PCDH11X: variants seen among roughly 807,000 people sequenced by gnomAD.
PCDH11X encodes protocadherin 11 X-linked, also known as protocadherin-11 X-linked.
In PCDH11X, 18 loss-of-function variants were observed where a neutral mutation model predicts 53.3. That is an observed-to-expected ratio of 0.34 (90% CI 0.23 to 0.50). The LOEUF (loss-of-function observed/expected upper bound fraction) is 0.50, where lower values mean the gene tolerates loss of function less well. Among genes scored for constraint, PCDH11X ranks in the 20% least tolerant of loss-of-function variants. The pLI, the probability that PCDH11X is intolerant of heterozygous loss-of-function variation, is 0.98. For synonymous variants in PCDH11X, 279 were observed against 393.3 expected, an observed-to-expected ratio of 0.71 and a Z score of 3.44; for missense variants, 570 against 1,032.4, an observed-to-expected ratio of 0.55 and a Z score of 6.14.
chrX:92,228,591 T>A (rs978686181), intron 7 of PCDH11X, among the ~76,000 whole-genome samples: 1 of 111,477 alleles, frequency 9.0e-6, no homozygotes, highest in Non-Finnish European at 1.9e-5. Context: ...ACTAGTTAAT[T>A]GCTTTAAGTC....
At chrX:92,244,893 C>T (rs1165289334) in intron 7 of PCDH11X, among the ~76,000 whole-genome samples, 1 of 111,190 alleles carries the variant, frequency 9.0e-6, no homozygotes, top group Non-Finnish European at 1.9e-5. Flanking sequence ...AGAAATACAA[C>T]TCTATCATTC....
At chrX:92,258,497 A>G (rs2148409110) in intron 7 of PCDH11X, among the ~76,000 whole-genome samples, 1 of 108,280 alleles carries the variant, frequency 9.2e-6, no homozygotes, top group South Asian at 4.1e-4. Context: ...CCTCTGGAGT[A>G]GCTGGGACTA....
At chrX:92,453,984 T>A (rs1177105405) in intron 9 of PCDH11X, among the ~76,000 whole-genome samples, 1 of 104,206 alleles carries the variant, frequency 9.6e-6, no homozygotes, top group Non-Finnish European at 2.0e-5. Flanking sequence ...ATAATTAGTT[T>A]GAATCAATCA....
chrX:91,906,727 C>T (rs1288817852), intron 6 of PCDH11X, among the ~76,000 whole-genome samples: 1 of 111,640 alleles, frequency 9.0e-6, no homozygotes, highest in Non-Finnish European at 1.9e-5. Context: ...TTATTAACTT[C>T]GTAACCCTAG....
chrX:92,595,129 G>T (rs1348348559), intron 10 of PCDH11X, among the ~76,000 whole-genome samples: 1 of 109,382 alleles, frequency 9.1e-6, no homozygotes, highest in East Asian at 2.9e-4. Flanking sequence ...CATACTTTTA[G>T]ATTCTTTTAA....
chrX:92,444,739 T>A (rs1329523589), intron 9 of PCDH11X, among the ~76,000 whole-genome samples: 1 of 106,268 alleles, frequency 9.4e-6, no homozygotes, highest in Non-Finnish European at 1.9e-5. Context: ...TGGATTTTTT[T>A]TTTTTTTAAT....
chrX:92,214,895 A>G (rs1047250703), intron 7 of PCDH11X, among the ~76,000 whole-genome samples: 4 of 111,235 alleles, frequency 3.6e-5, no homozygotes, highest in Non-Finnish European at 7.5e-5. Context: ...CTAAAATACA[A>G]AAAAAATCCA....
chrX:92,444,022 G>C (rs2072573402), intron 9 of PCDH11X, among the ~76,000 whole-genome samples: 1 of 109,811 alleles, frequency 9.1e-6, no homozygotes. Context: ...GCTCTTTTTT[G>C]TACCATATGA....
Position 91,866,116 on chromosome X carries a change from G to T in PCDH11X, c.541-10665G>T, listed in dbSNP as rs749206849. Among the ~76,000 whole-genome samples, 25 of 110,741 alleles carry T rather than the reference G, an allele frequency of 2.3e-4. 1 individual carries two copies. The highest frequency in any genetic ancestry group is 2.2e-3 in the Admixed American group (23 of 10,406). ...TCCTGCTGTGGCTGAGCTGGTATCCGGGATGTAAAAGAGAGACCTCCTCAC... is the reference window on the plus strand; with the variant it reads ...TCCTGCTGTGGCTGAGCTGGTATCCTGGATGTAAAAGAGAGACCTCCTCAC... On this transcript the variant is annotated intron_variant, in intron 5 of 10. Coordinates refer to ENST00000682573, the MANE Select transcript of PCDH11X (RefSeq NM_032968.5).
intron 7 of PCDH11X, among the ~76,000 whole-genome samples, chrX:92,216,991 C>A (rs1273248413): frequency 9.1e-6 from 1 of 110,285 alleles, no homozygotes; most frequent in African/African-American, 3.3e-5. Context: ...ACTTTACAGA[C>A]AAGCAAATGC....
intron 6 of PCDH11X, among the ~76,000 whole-genome samples, chrX:92,033,015 C>T (rs966261902): frequency 4.2e-4 from 45 of 107,190 alleles, no homozygotes; most frequent in Admixed American, 1.0e-4. Context: ...CCATGTTGCC[C>T]AGGCTGGTCT....
At chrX:92,211,421 G>A (rs1391724890) in intron 7 of PCDH11X, among the ~76,000 whole-genome samples, 2 of 111,581 alleles carry the variant, frequency 1.8e-5, no homozygotes, top group Non-Finnish European at 3.8e-5. Context: ...TCAACATTGG[G>A]AATTACAATT....
At chrX:91,917,661 C>A (rs1267546691) in intron 6 of PCDH11X, among the ~76,000 whole-genome samples, 1 of 94,560 alleles carries the variant, frequency 1.1e-5, no homozygotes, top group Admixed American at 1.3e-4. Context: ...CAAAACACTG[C>A]TGAAAGAAAT....
rs576049231 is a variant in PCDH11X, at chrX:91,880,428, C to T, written c.3033+1155C>T. 1.3e-3 allele frequency among the ~76,000 whole-genome samples: 140 copies of T among 110,899 alleles called. 3 individuals carry two copies. The South Asian group carries it at 0.05, about 40-fold the overall frequency. The stretch of plus-strand genomic sequence containing the variant: ...AACTGATTTTCTTTCACCAAAAGTT[C>T]GAGATATTAAAGAAGGCTACTGCAT... On this transcript the variant is annotated intron_variant, in intron 6 of 10. Transcript: ENST00000682573.
chrX:92,158,310 A>C (rs2065575904), intron 6 of PCDH11X, among the ~76,000 whole-genome samples: 1 of 111,242 alleles, frequency 9.0e-6, no homozygotes, highest in Non-Finnish European at 1.9e-5. Context: ...TATTTATTAG[A>C]TAGAGCCTGG....
At chrX:92,530,451 G>C (rs1386525160) in intron 10 of PCDH11X, among the ~76,000 whole-genome samples, 1 of 111,925 alleles carries the variant, frequency 8.9e-6, no homozygotes. Flanking sequence ...TTAGGCAGGA[G>C]AAATCCCAGA....
At chrX:92,146,275 T>C (rs1462006064) in intron 6 of PCDH11X, among the ~76,000 whole-genome samples, 1 of 110,664 alleles carries the variant, frequency 9.0e-6, no homozygotes, top group Admixed American at 9.7e-5. Flanking sequence ...CAATCTTTCC[T>C]TTCTCCCTGG....
rs183499305 is a variant in PCDH11X, at chrX:92,403,117, C to T, written c.3343+15184C>T. Among the ~76,000 whole-genome samples the T allele has an allele frequency of 8.4e-3, 908 of 107,710 alleles. 15 individuals carry two copies. The highest frequency in any genetic ancestry group is 0.03 in the African/African-American group (875 of 29,647). 93.5% of individuals were successfully genotyped at this position (107,710 alleles called of 115,157 possible). ...GAACTTCCAGAACAAAAGAATACAACGAATAAATGATAAACCAAAAATCAC... is the reference window on the plus strand; with the variant it reads ...GAACTTCCAGAACAAAAGAATACAATGAATAAATGATAAACCAAAAATCAC... On this transcript the variant is annotated intron_variant, in intron 9 of 10. Transcript: ENST00000682573.
At chrX:91,907,600 T>G (rs1354804003) in intron 6 of PCDH11X, among the ~76,000 whole-genome samples, 1 of 108,214 alleles carries the variant, frequency 9.2e-6, no homozygotes. Context: ...CTTTAACAGT[T>G]TTTCAAACAA....
Sources: gnomAD v4.1 joint callset for allele counts (sites outside exome capture counted in the v4.1 genomes callset) on GRCh38, gnomAD v4.1.1 for gene constraint, MANE v1.5 for transcripts, NCBI Gene and HGNC (gene_info 2026-07-23, HGNC 2026-07-21) for gene names.